The following UNC93A variants were observed in gnomAD, a reference collection of about 807,000 sequenced individuals.
The protein encoded by UNC93A is unc-93 homolog A.
A neutral mutation model predicts 47.5 loss-of-function variants in UNC93A; 43 were observed. The ratio of observed to expected loss-of-function variants is 0.91; its 90% CI spans 0.71 to 1.17. UNC93A has a LOEUF of 1.17. Among genes scored for constraint, UNC93A ranks in the 50% most tolerant of loss-of-function variants. The probability of loss-of-function intolerance (pLI) is 0.00; values close to 1 mark genes in which losing one functional copy is unlikely to be tolerated. For synonymous variants in UNC93A, 280 were observed against 258.0 expected, an observed-to-expected ratio of 1.09 and a Z score of -0.82; for missense variants, 605 against 577.6, an observed-to-expected ratio of 1.05 and a Z score of -0.49.
At chr6:167,285,992 A>G (rs1783724536) in intron 1 of UNC93A, among the ~76,000 whole-genome samples, 1 of 149,762 alleles carries the variant, frequency 6.7e-6, no homozygotes, top group African/African-American at 2.5e-5. Flanking sequence ...ACACACACAC[A>G]CAATGAGCCT....
At chr6:167,282,756 G>A (rs73790161) in intron 1 of UNC93A, among the ~76,000 whole-genome samples, 2,913 of 152,274 alleles carry the variant, frequency 0.019, 104 homozygotes, top group African/African-American at 0.067. Flanking sequence ...GCCCAAGGTG[G>A]TTGGGCTACT....
chr6:167,293,693 C>A (rs974331756), intron 1 of UNC93A, among the ~76,000 whole-genome samples: 1 of 152,200 alleles, frequency 6.6e-6, no homozygotes, highest in African/African-American at 2.4e-5. Flanking sequence ...GGGCCTCATT[C>A]CAGAGAGTTC....
At chr6:167,296,476 G>C (rs997981327) in intron 3 of UNC93A, among the ~76,000 whole-genome samples, 3 of 152,214 alleles carry the variant, frequency 2.0e-5, no homozygotes, top group Non-Finnish European at 2.9e-5. Context: ...AAGAAGATCT[G>C]CGTCTTCCAC....
chr6:167,298,249 A>G, intron 4 of UNC93A, 179 bp downstream of exon 4: 1 of 974,708 alleles, frequency 1.0e-6, no homozygotes, highest in East Asian at 2.8e-5. Context: ...CAAATGCAGT[A>G]CACCCGTGCT....
intron 1 of UNC93A, among the ~76,000 whole-genome samples, chr6:167,292,782 T>A (rs1783870316): frequency 6.6e-6 from 1 of 152,208 alleles, no homozygotes; most frequent in African/African-American, 2.4e-5. Flanking sequence ...GTGCACTTTC[T>A]GGAAGGAGGG....
At chr6:167,297,885 A>T in intron 3 of UNC93A, 60 bp from the exon 4 acceptor site, 1 of 1,588,170 alleles carries the variant, frequency 6.3e-7, no homozygotes, top group Non-Finnish European at 8.6e-7. Context: ...ATTTCTCAAG[A>T]ACCTACATCT....
At chr6:167,306,131 C>T in intron 6 of UNC93A, 81 bp downstream of exon 6, 2 of 1,580,014 alleles carry the variant, frequency 1.3e-6, no homozygotes, top group Non-Finnish European at 8.6e-7. Flanking sequence ...TCAGGACAGG[C>T]TGGAAAAGTG....
chr6:167,289,203 G>A (rs1333016556), upstream of UNC93A, among the ~76,000 whole-genome samples: 2 of 152,276 alleles, frequency 1.3e-5, no homozygotes, highest in Non-Finnish European at 2.9e-5. Context: ...CTGCAGGAAT[G>A]TGTAGGCTGC....
At chr6:167,273,142 ACT>A (rs1430202673) in intron 1 of UNC93A, among the ~76,000 whole-genome samples, 1 of 151,972 alleles carries the variant, frequency 6.6e-6, no homozygotes, top group African/African-American at 2.4e-5. Flanking sequence ...TCAATCACTT[ACT>A]CTCTTTCTGC....
At chr6:167,302,374 G>A (rs1357078652) in intron 4 of UNC93A, among the ~76,000 whole-genome samples, 3 of 152,136 alleles carry the variant, frequency 2.0e-5, no homozygotes, top group Admixed American at 6.5e-5. Context: ...AGGGGTCTAA[G>A]TTCTCGGAGG....
intron 7 of UNC93A, among the ~76,000 whole-genome samples, chr6:167,309,143 T>C (rs533267243): frequency 1.4e-4 from 21 of 152,246 alleles, no homozygotes; most frequent in Middle Eastern, 3.4e-3. Flanking sequence ...GGAGAATCAC[T>C]TGAACTCCGG....
chr6:167,272,920 C>T (rs1783472791), intron 1 of UNC93A, among the ~76,000 whole-genome samples: 1 of 152,108 alleles, frequency 6.6e-6, no homozygotes, highest in African/African-American at 2.4e-5. Context: ...GTCTGTCCGG[C>T]CCCCACTTCC....
At chr6:167,307,968 G>T in intron 7 of UNC93A, 58 bp downstream of exon 7, 1 of 1,597,594 alleles carries the variant, frequency 6.3e-7, no homozygotes, top group South Asian at 1.1e-5. Flanking sequence ...CCCTGGCCAA[G>T]GCAACTGTGG....
intron 4 of UNC93A, among the ~76,000 whole-genome samples, chr6:167,300,903 G>C (rs1778224436): frequency 6.6e-6 from 1 of 152,220 alleles, no homozygotes. Context: ...GGGGGCTGCA[G>C]CCTTCCTCTG....
chr6:167,299,313 T>C (rs1366473648), intron 4 of UNC93A, among the ~76,000 whole-genome samples: 1 of 151,906 alleles, frequency 6.6e-6, no homozygotes, highest in Non-Finnish European at 1.5e-5. Context: ...GCTCTGGGGG[T>C]ACCAACTCCT....
In UNC93A at chr6:167,294,704, C is replaced by T. The variant is rs1182320441; in HGVS notation, c.269+6C>T. 17 of 1,582,662 alleles carry T rather than the reference C, an allele frequency of 1.1e-5. No homozygotes were observed. The highest frequency in any genetic ancestry group is 1.7e-4 in the Middle Eastern group (1 of 5,928). On this transcript the variant is annotated splice_donor_region_variant and intron_variant, in intron 2 of 7. Transcript: ENST00000230256. ...GGCAACTTCTTCGCCAGCTGGTACG[C>T]AGCCACCACCCCCTGCCCACCCCAC...
intron 5 of UNC93A, 113 bp from the exon 6 acceptor site, chr6:167,305,802 A>G: frequency 1.4e-6 from 2 of 1,466,970 alleles, no homozygotes; most frequent in Non-Finnish European, 1.9e-6. Context: ...TGTAGGCAAC[A>G]CTGGCCTGCT....
intron 1 of UNC93A, among the ~76,000 whole-genome samples, chr6:167,283,988 G>A (rs1448158402): frequency 6.6e-6 from 1 of 152,102 alleles, no homozygotes; most frequent in Non-Finnish European, 1.5e-5. Flanking sequence ...TCACACTCAG[G>A]GTCAGGCTTT....
At chr6:167,297,899 C>G (rs748609721) in intron 3 of UNC93A, 46 bp from the exon 4 acceptor site, 2 of 1,600,412 alleles carry the variant, frequency 1.2e-6, no homozygotes, top group Non-Finnish European at 1.7e-6. Context: ...TACATCTTGT[C>G]ACATTTGCCG....
Sources: allele counts gnomAD v4.1 joint callset (sites outside exome capture counted in the v4.1 genomes callset), GRCh38; gene constraint gnomAD v4.1.1; transcripts MANE v1.5; gene names NCBI Gene and HGNC (gene_info 2026-07-23, HGNC 2026-07-21).